CLRN1: variants seen among roughly 807,000 people sequenced by gnomAD.
CLRN1 encodes the protein clarin 1.
A neutral mutation model predicts 18.7 loss-of-function variants in CLRN1; 15 were observed. That is an observed-to-expected ratio of 0.80 (90% confidence interval 0.54 to 1.23). The LOEUF is 1.23. Among genes scored for constraint, CLRN1 ranks in the 50% most tolerant of loss-of-function variants. The pLI is 0.00. For synonymous variants in CLRN1, 104 were observed against 102.9 expected (o/e 1.01, Z -0.07); for missense variants, 311 against 277.5 (o/e 1.12, Z -0.86).
chr3:150,955,892 G>T (rs1288815390), intron 1 of CLRN1, among the ~76,000 whole-genome samples: 2 of 151,990 alleles, frequency 1.3e-5, no homozygotes, highest in African/African-American at 2.4e-5. Context: ...TCACCCATAC[G>T]CCTACCAATA....
chr3:150,937,995 T>G (rs1166481136), intron 2 of CLRN1, among the ~76,000 whole-genome samples: 2 of 152,174 alleles, frequency 1.3e-5, no homozygotes, highest in African/African-American at 2.4e-5. Context: ...CCTTTCCCCT[T>G]TCTACATGCC....
rs1463432252 is a variant in CLRN1 at position 150,941,757 on chromosome 3, A to C, written c.258T>G (p.Phe86Leu). 3 of 1,613,826 alleles carry C rather than the reference A, an allele frequency of 1.9e-6. No individual in the cohort carries two copies. In the African/African-American group the frequency reaches 4.0e-5, roughly 22 times the overall value. The change falls in exon 2 of 3, where the codon TTT becomes TTG. Residue 86 changes from phenylalanine to leucine, a missense_variant. Phe to Leu is a conservative substitution (Grantham distance 22). Transcript: ENST00000327047. ...LGARPFRFSF[F>L]PDLLKAIPVS... ...CTGGGATTGCTTTGAGCAAATCTGG[A>C]AAAACTGAAGATAAGACAAAACTAG...
chr3:150,936,308 C>T (rs1038681065), intron 2 of CLRN1, among the ~76,000 whole-genome samples: 3 of 152,188 alleles, frequency 2.0e-5, no homozygotes, highest in Non-Finnish European at 2.9e-5. Flanking sequence ...CCCAAATATA[C>T]ATCTTTCTTC....
chr3:150,947,144 G>T (rs1714219280), intron 1 of CLRN1, among the ~76,000 whole-genome samples: 2 of 151,962 alleles, frequency 1.3e-5, no homozygotes, highest in South Asian at 2.1e-4. Flanking sequence ...TGGCTGGATG[G>T]CTGGATGGAT....
chr3:150,952,873 T>C (rs1409827728), intron 1 of CLRN1, among the ~76,000 whole-genome samples: 1 of 152,246 alleles, frequency 6.6e-6, no homozygotes, highest in Non-Finnish European at 1.5e-5. Flanking sequence ...ATTCTCACTG[T>C]TGTGAGAACA....
chr3:150,962,773 T>C (rs1401171575), intron 1 of CLRN1, among the ~76,000 whole-genome samples: 1 of 152,216 alleles, frequency 6.6e-6, no homozygotes, highest in Non-Finnish European at 1.5e-5. Context: ...CTGCCAACAT[T>C]AAGGTAATAT....
intron 1 of CLRN1, among the ~76,000 whole-genome samples, chr3:150,958,875 G>A (rs1714886673): frequency 6.6e-6 from 1 of 152,218 alleles, no homozygotes; most frequent in South Asian, 2.1e-4. Flanking sequence ...GGTGGCATGT[G>A]TCAGTTCCAG....
At chr3:150,968,087 T>C (rs1306947181) in intron 1 of CLRN1, among the ~76,000 whole-genome samples, 1 of 152,208 alleles carries the variant, frequency 6.6e-6, no homozygotes, top group African/African-American at 2.4e-5. Flanking sequence ...ATTTTTCACA[T>C]TTTAAGAAAA....
At chr3:150,948,483 C>CAAAAAAA (rs55846714) in intron 1 of CLRN1, among the ~76,000 whole-genome samples, 7 of 54,390 alleles carry the variant, frequency 1.3e-4, no homozygotes, top group African/African-American at 2.9e-4. Flanking sequence ...GACTCCGTCT[C>CAAAAAAA]AAAAAAAAAA....
chr3:150,956,084 C>A (rs1714724879), intron 1 of CLRN1, among the ~76,000 whole-genome samples: 1 of 152,044 alleles, frequency 6.6e-6, no homozygotes, highest in Non-Finnish European at 1.5e-5. Flanking sequence ...AAGTTTTTTG[C>A]CAAACGGATG....
In CLRN1 at chr3:150,943,187, C is replaced by T. The variant is rs113608910; in HGVS notation, c.254-1426G>A. Reference sequence around the variant, plus strand: ...CAGAAGTGTAGAAATTTTAGGCAGACGGGGCAGGTCCCTGGAAAAACCTCA... The same window carrying T: ...CAGAAGTGTAGAAATTTTAGGCAGATGGGGCAGGTCCCTGGAAAAACCTCA... On this transcript the variant is annotated intron_variant, in intron 1 of 2. Coordinates refer to ENST00000327047, the MANE Select transcript of CLRN1 (RefSeq NM_174878.3). Among the ~76,000 whole-genome samples, 1,431 of 152,292 alleles carry T rather than the reference C, an allele frequency of 9.4e-3. 34 individuals carry two copies. The highest frequency in any genetic ancestry group is 0.032 in the African/African-American group (1,341 of 41,552).
rs16846663 is a variant in CLRN1, at chr3:150,940,477, G to A, written c.433+1105C>T. On this transcript the variant is annotated intron_variant, in intron 2 of 2. Coordinates refer to ENST00000327047, the MANE Select transcript of CLRN1 (RefSeq NM_174878.3). ...AGGGAGTAGTGTCAAGAGCAAGAAA[G>A]TACCTTGAGCCTGGTGCCTGGTAGC... 28,435 of 1,534,678 alleles carry A rather than the reference G, an allele frequency of 0.019. 2,490 individuals carry two copies. In the East Asian group the frequency reaches 0.31, roughly 17 times the overall value.
chr3:150,929,075 C>A (rs1043431120), intron 2 of CLRN1, among the ~76,000 whole-genome samples: 2 of 152,186 alleles, frequency 1.3e-5, no homozygotes, highest in African/African-American at 4.8e-5. Flanking sequence ...AGCCTCTGGA[C>A]CAGCCCTGGA....
In CLRN1 at chr3:150,941,539, T is replaced by C. The variant is rs147327590; in HGVS notation, c.433+43A>G. On this transcript the variant is annotated intron_variant, in intron 2 of 2. Coordinates refer to ENST00000327047, the MANE Select transcript of CLRN1 (RefSeq NM_174878.3). ...TTAGGTAGACGGTCTTTTTGACATA[T>C]TGAAAAGCACATTTGTCTTCAGAGG... is the stretch of plus-strand genomic sequence containing the variant. 607 of 1,597,190 alleles carry C rather than the reference T, an allele frequency of 3.8e-4. 2 individuals are homozygous for C. In the African/African-American group the frequency reaches 7.1e-3, roughly 19 times the overall value.
intron 1 of CLRN1, among the ~76,000 whole-genome samples, chr3:150,969,543 T>A (rs1320651997): frequency 6.6e-6 from 1 of 151,634 alleles, no homozygotes; most frequent in African/African-American, 2.4e-5. Flanking sequence ...GCCAGGATGG[T>A]CTCGATCTCC....
chr3:150,945,650 T>G (rs1431785850), intron 1 of CLRN1: 1 of 1,282,870 alleles, frequency 7.8e-7, no homozygotes, highest in Non-Finnish European at 1.0e-6. Flanking sequence ...ATTTGACTGC[T>G]GATGTTTAGT....
chr3:150,943,295 T>G (rs2107954311), intron 1 of CLRN1, among the ~76,000 whole-genome samples: 1 of 152,262 alleles, frequency 6.6e-6, no homozygotes, highest in East Asian at 1.9e-4. Flanking sequence ...AATTGGTTCT[T>G]TATGAATAAT....
chr3:150,946,607 A>G (rs372845848), intron 1 of CLRN1, among the ~76,000 whole-genome samples: 35 of 151,938 alleles, frequency 2.3e-4, no homozygotes, highest in African/African-American at 8.0e-4. Flanking sequence ...AATTCCAAAG[A>G]CTGTAATAGA....
intron 1 of CLRN1, among the ~76,000 whole-genome samples, chr3:150,946,510 T>G (rs1297986529): frequency 6.6e-6 from 1 of 152,064 alleles, no homozygotes; most frequent in Non-Finnish European, 1.5e-5. Flanking sequence ...AAATTTTTTT[T>G]TTTTTACTTT....
Sources: gnomAD v4.1 joint callset for allele counts (sites outside exome capture counted in the v4.1 genomes callset) on GRCh38, gnomAD v4.1.1 for gene constraint, MANE v1.5 for transcripts, NCBI Gene and HGNC (gene_info 2026-07-23, HGNC 2026-07-21) for gene names.